CLSTN1: variants seen among roughly 807,000 people sequenced by gnomAD.
CLSTN1 encodes the protein calsyntenin 1, also known as calsyntenin-1.
In CLSTN1, 28 loss-of-function variants were observed where a neutral mutation model predicts 108.3. The observed-to-expected ratio is 0.26, with a 90% confidence interval of 0.19 to 0.35. The LOEUF (loss-of-function observed/expected upper bound fraction) is 0.35. Among genes scored for constraint, CLSTN1 ranks in the 10% least tolerant of loss-of-function variants. The pLI, the probability that CLSTN1 is intolerant of heterozygous loss-of-function variation, is 1.00. For missense variants in CLSTN1, 1,157 were observed against 1,302.6 expected (o/e 0.89, Z 1.72); for synonymous variants, 524 against 534.9 (o/e 0.98, Z 0.28).
At chr1:9,811,376 C>A (rs1236950107) in intron 1 of CLSTN1, among the ~76,000 whole-genome samples, 1 of 152,152 alleles carries the variant, frequency 6.6e-6, no homozygotes, top group Admixed American at 6.6e-5. Context: ...AGGCGGCTCT[C>A]GTACACTTGG....
At chr1:9,731,137 C>A in intron 18 of CLSTN1, 69 bp downstream of exon 18, 1 of 1,580,022 alleles carries the variant, frequency 6.3e-7, no homozygotes, top group South Asian at 1.1e-5. Flanking sequence ...GGAGCCGCGC[C>A]GTACCGGCTT....
chr1:9,776,862 TTATCTATC>T (rs70998308), intron 1 of CLSTN1, among the ~76,000 whole-genome samples: 2,431 of 140,098 alleles, frequency 0.017, 68 homozygotes, highest in African/African-American at 0.058. Context: ...CTATCAGCAT[TTATCTATC>T]TATCTATCTA....
At chr1:9,784,172 CAAAAA>C (rs34315931) in intron 1 of CLSTN1, among the ~76,000 whole-genome samples, 2 of 83,708 alleles carry the variant, frequency 2.4e-5, no homozygotes, top group Non-Finnish European at 2.4e-5. Flanking sequence ...AACTCTATCT[CAAAAA>C]AAAAAAAAAA....
chr1:9,769,540 A>G (rs1223533284), intron 2 of CLSTN1, among the ~76,000 whole-genome samples: 1 of 152,220 alleles, frequency 6.6e-6, no homozygotes, highest in African/African-American at 2.4e-5. Flanking sequence ...CCATCACAAA[A>G]AGCCGTACAG....
intron 2 of CLSTN1, among the ~76,000 whole-genome samples, chr1:9,765,313 G>T (rs1484986493): frequency 7.2e-5 from 11 of 152,086 alleles, no homozygotes. Flanking sequence ...GAACCCAGGA[G>T]GCGGAGGTTG....
chr1:9,763,679 C>A (rs1251291259), intron 2 of CLSTN1, among the ~76,000 whole-genome samples: 3 of 152,190 alleles, frequency 2.0e-5, no homozygotes, highest in Non-Finnish European at 4.4e-5. Context: ...CCCCATGCAT[C>A]CATTCAGCCT....
chr1:9,749,691 C>T (rs761301795), intron 6 of CLSTN1, 45 bp from the exon 7 acceptor site: 2 of 1,610,680 alleles, frequency 1.2e-6, no homozygotes, highest in East Asian at 2.2e-5. Flanking sequence ...AAGGAAAACA[C>T]ACACTCTAGG....
intron 1 of CLSTN1, among the ~76,000 whole-genome samples, chr1:9,794,173 C>T (rs1288729246): frequency 2.6e-5 from 4 of 151,496 alleles, no homozygotes; most frequent in African/African-American, 7.2e-5. Context: ...TGGAGGAACA[C>T]GTTTTCAGAA....
chr1:9,761,520 T>G (rs1335066395), intron 2 of CLSTN1, among the ~76,000 whole-genome samples: 1 of 152,170 alleles, frequency 6.6e-6, no homozygotes, highest in Non-Finnish European at 1.5e-5. Flanking sequence ...TTTAAAAATT[T>G]TTTTAAGGAA....
At chr1:9,780,431 T>C (rs1653188180) in intron 1 of CLSTN1, among the ~76,000 whole-genome samples, 1 of 152,120 alleles carries the variant, frequency 6.6e-6, no homozygotes, top group South Asian at 2.1e-4. Flanking sequence ...GTAAAATGTG[T>C]GTTTCTGCTG....
intron 1 of CLSTN1, among the ~76,000 whole-genome samples, chr1:9,805,343 G>C (rs1654459442): frequency 6.6e-6 from 1 of 152,140 alleles, no homozygotes; most frequent in Non-Finnish European, 1.5e-5. Flanking sequence ...ATCAGAGCGT[G>C]ATCTAAGGAC....
rs149058241 is a variant in CLSTN1, at chr1:9,744,572, T to C, written c.1057A>G (p.Thr353Ala). 372 of 1,613,408 alleles carry C rather than the reference T, an allele frequency of 2.3e-4. 1 individual carries two copies. In the African/African-American group the frequency reaches 4.4e-3, roughly 19 times the overall value. ...GSLNWTMGLPTDNGHDSDQVF... is the reference protein window; with the variant it reads ...GSLNWTMGLPADNGHDSDQVF... ...TGGTCGCTGTCGTGGCCATTGTCGG[T>C]GGGCAGGCCCATGGTCCAGTTGAGG... Residue 353 changes from threonine (T) to alanine (A), a missense_variant, in exon 8 of 19, where the codon ACC becomes GCC. Transcript: ENST00000377298.
chr1:9,816,539 A>T (rs951457213), intron 1 of CLSTN1, among the ~76,000 whole-genome samples: 45 of 147,408 alleles, frequency 3.1e-4, no homozygotes, highest in East Asian at 5.9e-4. Flanking sequence ...GCTGCTTTAA[A>T]AAAAAAAAAA....
chr1:9,784,821 T>C (rs576034011), intron 1 of CLSTN1, among the ~76,000 whole-genome samples: 1 of 152,306 alleles, frequency 6.6e-6, no homozygotes, highest in Non-Finnish European at 1.5e-5. Flanking sequence ...TAGTAGGCCC[T>C]TGTTAAAGAT....
At chr1:9,820,908 G>C (rs1655166835) in intron 1 of CLSTN1, among the ~76,000 whole-genome samples, 2 of 152,236 alleles carry the variant, frequency 1.3e-5, no homozygotes, top group African/African-American at 4.8e-5. Context: ...ATAGGATGGT[G>C]AGGGGAGGTC....
intron 16 of CLSTN1, among the ~76,000 whole-genome samples, 193 bp from the exon 17 acceptor site, chr1:9,732,089 GAAAA>G (rs548802668): frequency 8.3e-4 from 126 of 151,656 alleles, no homozygotes; most frequent in Middle Eastern, 3.4e-3. Flanking sequence ...CAAAAACAAA[GAAAA>G]AGAAACAAAA....
rs151292241 is a variant in CLSTN1, at chr1:9,761,705, G to A, written c.215-5195C>T. On this transcript the variant is annotated intron_variant, in intron 2 of 18. Coordinates refer to ENST00000377298, the MANE Select transcript of CLSTN1 (RefSeq NM_001009566.3). The stretch of plus-strand genomic sequence containing the variant: ...TTTAGGCTGGCCCTGCTGTTCTTTC[G>A]AAGTCTTCTTCCTAATCTGAGGATG... 1.8e-4 allele frequency among the ~76,000 whole-genome samples: 27 copies of A among 152,094 alleles called. No individual in the cohort carries two copies. In the East Asian group the frequency reaches 4.2e-3, roughly 24 times the overall value.
chr1:9,782,312 A>T (rs1053046926), intron 1 of CLSTN1, among the ~76,000 whole-genome samples: 3 of 152,162 alleles, frequency 2.0e-5, no homozygotes, highest in African/African-American at 2.4e-5. Flanking sequence ...ATGGAGGCCT[A>T]AAAAAATGTG....
intron 1 of CLSTN1, among the ~76,000 whole-genome samples, chr1:9,789,712 C>T (rs534572138): frequency 1.3e-5 from 2 of 151,710 alleles, no homozygotes; most frequent in South Asian, 4.3e-4. Context: ...GGAGAGGTGG[C>T]TTATGCCTGT....
Sources: gnomAD v4.1 joint callset for allele counts (sites outside exome capture counted in the v4.1 genomes callset) on GRCh38, gnomAD v4.1.1 for gene constraint, MANE v1.5 for transcripts, NCBI Gene and HGNC (gene_info 2026-07-23, HGNC 2026-07-21) for gene names.